NFATC2: variants seen among roughly 807,000 people sequenced by gnomAD.
NFATC2 encodes nuclear factor of activated T-cells, cytoplasmic 2.
NFATC2 carries 22 observed loss-of-function variants against 87.3 expected under a neutral mutation model. That is an observed-to-expected ratio of 0.25 (90% CI 0.18 to 0.36). The LOEUF (loss-of-function observed/expected upper bound fraction) is 0.36. Among genes scored for constraint, NFATC2 ranks in the 10% least tolerant of loss-of-function variants. NFATC2 has a pLI of 1.00. For synonymous variants in NFATC2, 565 were observed against 542.2 expected (o/e 1.04, Z -0.58); for missense variants, 1,149 against 1,259.1 (o/e 0.91, Z 1.32).
chr20:51,411,516 CTTTTT>C (rs67935951), intron 9 of NFATC2, among the ~76,000 whole-genome samples: 138 of 87,220 alleles, frequency 1.6e-3, no homozygotes, highest in African/African-American at 5.0e-3. Flanking sequence ...ATGCAATTGT[CTTTTT>C]TTTTTTTTTT....
At chr20:51,488,319 T>C (rs2075819059) in intron 3 of NFATC2, among the ~76,000 whole-genome samples, 1 of 152,114 alleles carries the variant, frequency 6.6e-6, no homozygotes, top group South Asian at 2.1e-4. Context: ...GACATTGGAG[T>C]AAGAAACCAG....
At chr20:51,424,225 A>G (rs970106198) in intron 9 of NFATC2, among the ~76,000 whole-genome samples, 2 of 152,192 alleles carry the variant, frequency 1.3e-5, no homozygotes, top group African/African-American at 4.8e-5. Context: ...CTGGACTTTG[A>G]CATTTTCAAG....
Position 51,523,071 on chromosome 20 carries a change from C to T in NFATC2, c.1160+10G>A, listed in dbSNP as rs764462224. The T allele has an allele frequency of 1.2e-6, 2 of 1,614,064 alleles. No homozygotes were observed. Among genetic ancestry groups the T allele is most frequent in the Non-Finnish European group, 1.7e-6 (2 of 1,180,016 alleles). ...ACCACAGAATCAATCATTTTCAAAGCCCTGCTCACCTGCAGATGGGAATGG... is the reference window on the plus strand; with the variant it reads ...ACCACAGAATCAATCATTTTCAAAGTCCTGCTCACCTGCAGATGGGAATGG... On this transcript the variant is annotated intron_variant, in intron 2 of 10. Transcript: ENST00000371564. This position sits in a 1 kb window ranked among gnomAD's most constrained non-coding sequence, Gnocchi z 6.9.
chr20:51,420,852 T>C (rs527613054), intron 9 of NFATC2, among the ~76,000 whole-genome samples: 69 of 152,266 alleles, frequency 4.5e-4, no homozygotes, highest in African/African-American at 1.5e-3. Flanking sequence ...TTTTTAGAGA[T>C]ACATGCTATT....
At chr20:51,424,247 C>T (rs2146311345) in intron 9 of NFATC2, among the ~76,000 whole-genome samples, 1 of 152,194 alleles carries the variant, frequency 6.6e-6, no homozygotes, top group East Asian at 1.9e-4. Flanking sequence ...CTCAAACTAT[C>T]CTTTGCTGAA....
intron 1 of NFATC2, among the ~76,000 whole-genome samples, chr20:51,527,050 C>G (rs533073681): frequency 6.6e-6 from 1 of 151,750 alleles, no homozygotes; most frequent in Non-Finnish European, 1.5e-5. Flanking sequence ...CAGTGCACAC[C>G]ACCGGGCTCA....
chr20:51,552,966 TC>T (rs1309843815), intron 1 of NFATC2, among the ~76,000 whole-genome samples: 1 of 152,088 alleles, frequency 6.6e-6, no homozygotes, highest in African/African-American at 2.4e-5. Context: ...ATGCTCTCCC[TC>T]CCGCACCTTC....
intron 9 of NFATC2, among the ~76,000 whole-genome samples, chr20:51,409,483 G>A (rs1317185759): frequency 6.6e-6 from 1 of 152,224 alleles, no homozygotes; most frequent in Admixed American, 6.5e-5. Flanking sequence ...ACAAAATTCA[G>A]GGTAGCAATT....
chr20:51,459,613 C>T (rs1209491677), intron 5 of NFATC2, among the ~76,000 whole-genome samples: 1 of 152,168 alleles, frequency 6.6e-6, no homozygotes, highest in African/African-American at 2.4e-5. Flanking sequence ...CGCAGTGGCT[C>T]AGGCCTGTAA....
chr20:51,477,576 T>TATATATATAA (rs1555803322), intron 3 of NFATC2, among the ~76,000 whole-genome samples: 3 of 73,888 alleles, frequency 4.1e-5, no homozygotes, highest in South Asian at 7.6e-4. Flanking sequence ...TATATATATA[T>TATATATATAA]ATATAAAATA....
At position 51,523,796 on chromosome 20, in the gene NFATC2, G is replaced by A; in HGVS notation, c.445C>T (p.Pro149Ser). 6.2e-7 allele frequency: 1 copy of A among 1,609,302 alleles called. No homozygotes were observed. The highest frequency in any genetic ancestry group is 8.5e-7 in the Non-Finnish European group (1 of 1,177,730). ...QPPLAGVAAS[P>S]RFTLPVPGFE... ...CCGGGCACGGGCAGGGTGAACCTCG[G>A]GCTGGCGGCCACCCCGGCCAGGGGC... The change falls in exon 2 of 11, where the codon CCG becomes TCG. Residue 149 changes from proline to serine, a missense_variant. Around this residue, in one of 3 missense-constraint regions of NFATC2, gnomAD observed 563 missense variants for 585.2 expected, o/e 0.96. Transcript: ENST00000371564. The surrounding 1 kb of genome is among the most constrained non-coding windows in gnomAD (Gnocchi z 6.9).
chr20:51,398,113 C>G (rs1283313669), intron 10 of NFATC2, among the ~76,000 whole-genome samples: 1 of 151,382 alleles, frequency 6.6e-6, no homozygotes, highest in East Asian at 2.0e-4. Context: ...TAGCAGAATC[C>G]TGCGACTTCA....
chr20:51,450,775 GC>G (rs1300352460), intron 6 of NFATC2, among the ~76,000 whole-genome samples: 42 of 152,300 alleles, frequency 2.8e-4, no homozygotes, highest in African/African-American at 1.0e-3. Context: ...GCAGACAGTG[GC>G]CAATAATAGG....
At chr20:51,550,992 C>T (rs1265650800) in intron 1 of NFATC2, among the ~76,000 whole-genome samples, 3 of 152,210 alleles carry the variant, frequency 2.0e-5, no homozygotes, top group African/African-American at 7.2e-5. Flanking sequence ...TAAAACACTG[C>T]TTATAAAAGG....
At chr20:51,413,421 G>A (rs1320215284) in intron 9 of NFATC2, among the ~76,000 whole-genome samples, 1 of 152,064 alleles carries the variant, frequency 6.6e-6, no homozygotes, top group Non-Finnish European at 1.5e-5. Flanking sequence ...GTTTTTATTT[G>A]CACTCCTGAA....
In NFATC2 at chr20:51,496,940, G is replaced by A. The variant is rs750137584; in HGVS notation, c.1332+19844C>T. 2.2e-4 allele frequency among the ~76,000 whole-genome samples: 34 copies of A among 152,288 alleles called. No individual in the cohort carries two copies. In the Middle Eastern group the frequency reaches 0.01, roughly 46 times the overall value. Reference sequence around the variant, plus strand: ...CTGAATGGGCATTGCTGCCTATCCTGGCTGCCGCGACAGCCCTGGAAGGCC... The same window carrying A: ...CTGAATGGGCATTGCTGCCTATCCTAGCTGCCGCGACAGCCCTGGAAGGCC... On this transcript the variant is annotated intron_variant, in intron 3 of 10. Coordinates refer to ENST00000371564, the MANE Select transcript of NFATC2 (RefSeq NM_012340.5).
chr20:51,396,594 C>T (rs568960158), intron 10 of NFATC2, among the ~76,000 whole-genome samples: 2 of 152,284 alleles, frequency 1.3e-5, no homozygotes, highest in South Asian at 4.1e-4. Context: ...GCCACAAAGG[C>T]CATGGCCAGA....
chr20:51,488,742 A>G (rs1400126175), intron 3 of NFATC2, among the ~76,000 whole-genome samples: 1 of 151,972 alleles, frequency 6.6e-6, no homozygotes, highest in Admixed American at 6.6e-5. Flanking sequence ...TCTCACCTGG[A>G]CCCCTGCATC....
At chr20:51,438,050 C>T (rs11696959) in intron 6 of NFATC2, among the ~76,000 whole-genome samples, 31,303 of 152,190 alleles carry the variant, frequency 0.21, 4,357 homozygotes, top group Non-Finnish European at 0.31. Flanking sequence ...GCTGGATGGA[C>T]ATCGAGGAAT....
Sources: allele counts gnomAD v4.1 joint callset (sites outside exome capture counted in the v4.1 genomes callset), GRCh38; gene constraint gnomAD v4.1.1; regional missense constraint gnomAD v4.1.1; non-coding constraint Gnocchi (gnomAD v3.1); transcripts MANE v1.5; gene names NCBI Gene and HGNC (gene_info 2026-07-23, HGNC 2026-07-21).